The following RIMBP2 variants were observed in gnomAD, a reference collection of about 807,000 sequenced individuals.
RIMBP2 encodes the protein RIMS binding protein 2, also known as RIMS-binding protein 2.
In RIMBP2, 48 loss-of-function variants were observed where a neutral mutation model predicts 118.6. The observed-to-expected ratio is 0.40, with a 90% confidence interval of 0.32 to 0.51. The LOEUF (loss-of-function observed/expected upper bound fraction) is 0.51, where lower values mean the gene tolerates loss of function less well. Ranked by LOEUF, RIMBP2 falls within the 20% of genes least tolerant of loss-of-function variation. The pLI is 0.41. For synonymous variants in RIMBP2, 762 were observed against 742.9 expected (o/e 1.03, Z -0.42); for missense variants, 1,551 against 1,768.3 (o/e 0.88, Z 2.20).
chr12:130,619,487 G>A (rs1375689260), intron 2 of RIMBP2, among the ~76,000 whole-genome samples: 1 of 152,224 alleles, frequency 6.6e-6, no homozygotes. Flanking sequence ...AGTGTACAGA[G>A]TGGAGATGCT....
chr12:130,498,188 G>A (rs984058382), intron 4 of RIMBP2, among the ~76,000 whole-genome samples: 1 of 109,284 alleles, frequency 9.2e-6, no homozygotes, highest in African/African-American at 2.9e-5. Flanking sequence ...GCCTCCGGCT[G>A]CCCAGTCATT....
chr12:130,647,730 C>T (rs1277071623), intron 1 of RIMBP2, among the ~76,000 whole-genome samples: 2 of 145,808 alleles, frequency 1.4e-5, no homozygotes, highest in East Asian at 3.9e-4. Flanking sequence ...AATTTGTAAG[C>T]CCCTGCATCC....
intron 1 of RIMBP2, among the ~76,000 whole-genome samples, chr12:130,695,705 A>T (rs958565603): frequency 1.3e-5 from 2 of 152,176 alleles, no homozygotes; most frequent in East Asian, 3.9e-4. Flanking sequence ...GCAACCGACC[A>T]TTGATCAATA....
chr12:130,408,260 T>A (rs2136395260), intron 19 of RIMBP2, among the ~76,000 whole-genome samples: 1 of 152,318 alleles, frequency 6.6e-6, no homozygotes, highest in East Asian at 1.9e-4. Flanking sequence ...TTTGTGTAAC[T>A]ATGGTGGCGC....
intron 3 of RIMBP2, among the ~76,000 whole-genome samples, chr12:130,516,353 C>A (rs1398800493): frequency 1.3e-5 from 2 of 152,184 alleles, no homozygotes; most frequent in Non-Finnish European, 2.9e-5. Context: ...GACTGAGCAC[C>A]CGCTATGCAT....
chr12:130,598,781 G>A (rs1486255617), intron 2 of RIMBP2, among the ~76,000 whole-genome samples: 1 of 151,748 alleles, frequency 6.6e-6, no homozygotes, highest in Non-Finnish European at 1.5e-5. Context: ...TAAAGCCACA[G>A]TAATCAAGAT....
intron 15 of RIMBP2, 175 bp downstream of exon 15, chr12:130,428,002 AGT>A: frequency 1.7e-6 from 1 of 588,950 alleles, no homozygotes; most frequent in Non-Finnish European, 2.8e-6. Flanking sequence ...GCAAGACAGG[AGT>A]GTAGGTAATT....
At chr12:130,616,082 A>G (rs139013995) in intron 2 of RIMBP2, among the ~76,000 whole-genome samples, 216 of 152,056 alleles carry the variant, frequency 1.4e-3, no homozygotes, top group Non-Finnish European at 1.3e-3. Flanking sequence ...TCTTAAACCT[A>G]CCCGCTGGGC....
rs2140188693 is a variant in RIMBP2 at position 130,581,242 on chromosome 12, A to G, written c.-217+47080T>C. On this transcript the variant is annotated intron_variant, in intron 2 of 22. Transcript: ENST00000690449. The surrounding 1 kb of genome is among the most constrained non-coding windows in gnomAD (Gnocchi z 4.4). ...GAAATGCCCCGTGGTCCCAGGTCAC[A>G]CAGGGGTGTGCCGGGAGTCAGGTTC... Among the ~76,000 whole-genome samples the G allele has an allele frequency of 6.6e-6, 1 of 152,258 alleles. No individual in the cohort carries two copies. The highest frequency in any genetic ancestry group is 1.9e-4 in the East Asian group (1 of 5,176).
chr12:130,642,878 G>A (rs1000228949), intron 1 of RIMBP2, among the ~76,000 whole-genome samples: 19 of 152,130 alleles, frequency 1.2e-4, no homozygotes, highest in Admixed American at 3.3e-4. Context: ...GTGCCCTCTC[G>A]GCCAGGCCAC....
intron 1 of RIMBP2, among the ~76,000 whole-genome samples, chr12:130,644,523 A>G (rs1371129717): frequency 1.3e-5 from 2 of 152,246 alleles, no homozygotes; most frequent in East Asian, 3.8e-4. Flanking sequence ...GAAGATTAAA[A>G]GTATCCTTAC....
chr12:130,552,148 C>T (rs1311375773), intron 2 of RIMBP2, among the ~76,000 whole-genome samples: 1 of 152,172 alleles, frequency 6.6e-6, no homozygotes, highest in African/African-American at 2.4e-5. Flanking sequence ...AAGAGAGCTT[C>T]TAATAAATGA....
intron 2 of RIMBP2, among the ~76,000 whole-genome samples, chr12:130,580,945 G>GTGTT (rs1475168422): frequency 6.6e-6 from 1 of 151,078 alleles, no homozygotes; most frequent in African/African-American, 2.4e-5. Context: ...GTGTGTGTGT[G>GTGTT]TGTTTGTTTG....
At chr12:130,491,565 T>TG (rs2048643717) in intron 4 of RIMBP2, among the ~76,000 whole-genome samples, 2 of 152,314 alleles carry the variant, frequency 1.3e-5, no homozygotes, top group South Asian at 4.1e-4. Context: ...TCTGCACTTC[T>TG]GGGGGGCAAT....
chr12:130,418,857 C>A (rs1593228254), intron 17 of RIMBP2, among the ~76,000 whole-genome samples: 1 of 152,286 alleles, frequency 6.6e-6, no homozygotes, highest in East Asian at 1.9e-4. Context: ...ATGCAACTGG[C>A]CACACCACGG....
chr12:130,460,600 G>A (rs183629019), intron 6 of RIMBP2, among the ~76,000 whole-genome samples: 2 of 152,144 alleles, frequency 1.3e-5, no homozygotes, highest in African/African-American at 4.8e-5. Context: ...AGTAGCAACA[G>A]TATCATTATT....
At chr12:130,678,572 C>G (rs1331593477) in intron 1 of RIMBP2, among the ~76,000 whole-genome samples, 1 of 152,152 alleles carries the variant, frequency 6.6e-6, no homozygotes, top group Non-Finnish European at 1.5e-5. Context: ...GGCTGGAGCG[C>G]AGTGGCACGA....
At chr12:130,560,838 G>C (rs149278109) in intron 2 of RIMBP2, among the ~76,000 whole-genome samples, 1 of 152,306 alleles carries the variant, frequency 6.6e-6, no homozygotes, top group Non-Finnish European at 1.5e-5. Context: ...ATTAAGGGCT[G>C]AGTTGTGCCC....
chr12:130,629,301 CA>C lies in RIMBP2; in HGVS notation c.-351-846del, dbSNP rs554896820. ...TGTATGGTCAAAATTCAATTTATTT[CA>C]ATTTAGCAAACATGTTCTGAGCACC... On this transcript the variant is annotated intron_variant, in intron 1 of 22. Transcript: ENST00000690449. Among the ~76,000 whole-genome samples the C allele has an allele frequency of 8.3e-4, 126 of 152,298 alleles. 1 individual carries two copies. Among genetic ancestry groups the C allele is most frequent in the African/African-American group, 2.9e-3 (121 of 41,556 alleles).
Sources: gnomAD v4.1 joint callset for allele counts (sites outside exome capture counted in the v4.1 genomes callset) on GRCh38, gnomAD v4.1.1 for gene constraint, Gnocchi (gnomAD v3.1) non-coding constraint, MANE v1.5 for transcripts, NCBI Gene and HGNC (gene_info 2026-07-23, HGNC 2026-07-21) for gene names.